MEGF8: variants seen among roughly 807,000 people sequenced by gnomAD.
MEGF8 encodes multiple EGF like domains 8, also known as multiple epidermal growth factor-like domains protein 8.
In MEGF8, 156 loss-of-function variants were observed where a neutral mutation model predicts 302.9. The ratio of observed to expected loss-of-function variants is 0.52; its 90% CI spans 0.45 to 0.59. The LOEUF (loss-of-function observed/expected upper bound fraction) is 0.59. Among genes scored for constraint, MEGF8 ranks in the 20% least tolerant of loss-of-function variants. The pLI, the probability that MEGF8 is intolerant of heterozygous loss-of-function variation, is 0.00. For synonymous variants in MEGF8, 1,621 were observed against 1,660.5 expected, an observed-to-expected ratio of 0.98 and a Z score of 0.58; for missense variants, 3,345 against 3,964.5, an observed-to-expected ratio of 0.84 and a Z score of 4.20.
At chr19:42,337,774 G>A (rs1289194449) in intron 8 of MEGF8, among the ~76,000 whole-genome samples, 14 of 151,504 alleles carry the variant, frequency 9.2e-5, no homozygotes, top group Non-Finnish European at 2.9e-5. Flanking sequence ...CCAAAGTGCT[G>A]GGATTACAGG....
chr19:42,352,259 G>C lies in MEGF8; in HGVS notation c.3153G>C (p.Leu1051=). The C allele has an allele frequency of 6.4e-7, 1 of 1,561,984 alleles. No homozygotes were observed. The change falls in exon 19 of 42, where the codon CTG becomes CTC. Residue 1051 remains leucine (L), a synonymous_variant. Transcript: ENST00000251268. This position sits in a 1 kb window ranked among gnomAD's most constrained non-coding sequence, Gnocchi z 4.4. The part of the protein sequence containing the change: ...SGPLGGGNCS[L]WVGEGLGLPV... ...CCCTCGGTGGGGGTAACTGCTCCCT[G>C]TGGGTGGGGGAGGGCCTGGGGCTTC... is the stretch of plus-strand genomic sequence containing the variant.
rs989766997 is a variant in MEGF8 at position 42,353,034 on chromosome 19, G to A, written c.3457G>A (p.Gly1153Ser). The A allele has an allele frequency of 1.3e-5, 21 of 1,555,870 alleles. No homozygotes were observed. The highest frequency in any genetic ancestry group is 2.7e-5 in the African/African-American group (2 of 73,168). The part of the protein sequence containing the change: ...SDLPPPTPAP[G>S]PPAPRCSRDC... ...CCTGCCCCCTCCCACACCCGCCCCG[G>A]GTCCGCCAGCCCCCCGCTGCTCCCG... The change falls in exon 20 of 42, where the codon GGT becomes AGT. Residue 1153 changes from glycine (G) to serine (S), a missense_variant. Transcript: ENST00000251268. This position sits in a 1 kb window ranked among gnomAD's most constrained non-coding sequence, Gnocchi z 6.1.
intron 9 of MEGF8, 41 bp from the exon 10 acceptor site, chr19:42,343,913 C>CGTCCCCTTGCCTCCCCCTCT (rs750075057): frequency 4.4e-6 from 7 of 1,599,434 alleles, no homozygotes; most frequent in African/African-American, 2.7e-5. Context: ...CCTCCTCCTC[C>CGTCCCCTTGCCTCCCCCTCT]GTCCCCTTGC....
Position 42,352,898 on chromosome 19 carries a change from G to T in MEGF8, c.3351-30G>T, listed in dbSNP as rs763755387. 5.2e-6 allele frequency: 8 copies of T among 1,529,032 alleles called. No homozygotes were observed. Among genetic ancestry groups the T allele is most frequent in the East Asian group, 2.4e-5 (1 of 41,674 alleles). The allele number at this position is 1,529,032 out of a possible 1,614,324, so 94.7% of individuals were successfully genotyped here. On this transcript the variant is annotated intron_variant, in intron 19 of 41. Coordinates refer to ENST00000251268, the MANE Select transcript of MEGF8 (RefSeq NM_001271938.2). This position sits in a 1 kb window ranked among gnomAD's most constrained non-coding sequence, Gnocchi z 4.4. ...TTTAGGGGCTCTGGGCCTGCCTGGCGCTTTCCCCACCCCCAACACGGCCCC... is the reference window on the plus strand; with the variant it reads ...TTTAGGGGCTCTGGGCCTGCCTGGCTCTTTCCCCACCCCCAACACGGCCCC...
At position 42,353,049 on chromosome 19, in the gene MEGF8, C is replaced by A. The variant is rs977777127; in HGVS notation, c.3472C>A (p.Arg1158Ser). Reference protein sequence around the residue: ...PTPAPGPPAPRCSRDCGCSFH... With the variant: ...PTPAPGPPAPSCSRDCGCSFH... The stretch of plus-strand genomic sequence containing the variant: ...ACCCGCCCCGGGTCCGCCAGCCCCC[C>A]GCTGCTCCCGGGACTGTGGCTGCAG... Residue 1158 changes from arginine to serine, a missense_variant, in exon 20 of 42, where the codon CGC (arginine) becomes AGC (serine). Arg to Ser is a moderately radical substitution (Grantham distance 110). Transcript: ENST00000251268. The surrounding 1 kb of genome is among the most constrained non-coding windows in gnomAD (Gnocchi z 6.1). 6 of 1,552,364 alleles carry A rather than the reference C, an allele frequency of 3.9e-6. No homozygotes were observed. Among genetic ancestry groups the A allele is most frequent in the Non-Finnish European group, 5.2e-6 (6 of 1,148,280 alleles).
Position 42,375,867 on chromosome 19 carries a change from C to T in MEGF8, c.7630C>T (p.Arg2544Trp), listed in dbSNP as rs565321934. The T allele has an allele frequency of 1.3e-5, 21 of 1,606,900 alleles. No individual in the cohort carries two copies. The highest frequency in any genetic ancestry group is 1.7e-4 in the Middle Eastern group (1 of 6,018). Residue 2544 changes from arginine to tryptophan, a missense_variant, in exon 42 of 42, where the codon CGG becomes TGG. Transcript: ENST00000251268. This position sits in a 1 kb window ranked among gnomAD's most constrained non-coding sequence, Gnocchi z 7.1. Reference sequence around the variant, plus strand: ...ACCACCCCCTGCAGATGGTGGGCCCCGGGGGGCTGGGGATCCAGGAGGAGC... The same window carrying T: ...ACCACCCCCTGCAGATGGTGGGCCCTGGGGGGCTGGGGATCCAGGAGGAGC... ...PPPPPADGGPRGAGDPGGAGA... is the reference protein window; with the variant it reads ...PPPPPADGGPWGAGDPGGAGA...
chr19:42,326,446 T>A lies in MEGF8; in HGVS notation c.187+16T>A. 2 of 1,518,268 alleles carry A rather than the reference T, an allele frequency of 1.3e-6. No homozygotes were observed. The highest frequency in any genetic ancestry group is 1.8e-6 in the Non-Finnish European group (2 of 1,139,792). 94.0% of individuals were successfully genotyped at this position (1,518,268 alleles called of 1,614,324 possible). A position where few individuals can be genotyped will look rare whatever the true frequency, so the allele number is the denominator to read the frequency against. On this transcript the variant is annotated intron_variant, in intron 1 of 41. Coordinates refer to ENST00000251268, the MANE Select transcript of MEGF8 (RefSeq NM_001271938.2). ...CTCATCGAGGGTGAGTGGGGCCGCG[T>A]GGGTCACTCACTAATTCGCTGGTAG...
Position 42,356,282 on chromosome 19 carries a change from T to C in MEGF8, c.4504-53T>C, listed in dbSNP as rs2039451398. On this transcript the variant is annotated intron_variant, in intron 25 of 41. Coordinates refer to ENST00000251268, the MANE Select transcript of MEGF8 (RefSeq NM_001271938.2). The surrounding 1 kb of genome is among the most constrained non-coding windows in gnomAD (Gnocchi z 5.2). ...CTGGGACCACCCCTACACCCAGGCC[T>C]GGCACTTTGTCCTGACCCTAGCCTG... The C allele has an allele frequency of 6.4e-7, 1 of 1,569,534 alleles. No individual in the cohort carries two copies. Among genetic ancestry groups the C allele is most frequent in the Non-Finnish European group, 8.6e-7 (1 of 1,157,970 alleles).
Position 42,356,511 on chromosome 19 carries a change from C to A in MEGF8, c.4622+58C>A. The A allele has an allele frequency of 7.4e-7, 1 of 1,344,294 alleles. No individual in the cohort carries two copies. Among genetic ancestry groups the A allele is most frequent in the Non-Finnish European group, 1.0e-6 (1 of 988,626 alleles). The allele number at this position is 1,344,294 out of a possible 1,614,324, so 83.3% of individuals were successfully genotyped here. On this transcript the variant is annotated intron_variant, in intron 26 of 41. Coordinates refer to ENST00000251268, the MANE Select transcript of MEGF8 (RefSeq NM_001271938.2). The surrounding 1 kb of genome is among the most constrained non-coding windows in gnomAD (Gnocchi z 5.2). ...AATAAGAGAAGGTCACCTCGGGATG[C>A]TAAGAGTCACCTCAGAGGAGTGCAG...
chr19:42,336,309 C>A lies in MEGF8; in HGVS notation c.1207C>A (p.Leu403Met). ...SMVFHAPSRA[L>M]LVHGGHRPST... ...GGTGTTCCATGCCCCCTCCCGTGCCCTGCTGGTCCATGGTGGACACCGGCC... is the reference window on the plus strand; with the variant it reads ...GGTGTTCCATGCCCCCTCCCGTGCCATGCTGGTCCATGGTGGACACCGGCC... The change falls in exon 6 of 42, where the codon CTG becomes ATG. Residue 403 changes from leucine (L) to methionine (M), a missense_variant. Coordinates refer to ENST00000251268, the MANE Select transcript of MEGF8 (RefSeq NM_001271938.2). The surrounding 1 kb of genome is among the most constrained non-coding windows in gnomAD (Gnocchi z 4.8). 6.2e-7 allele frequency: 1 copy of A among 1,606,556 alleles called. No homozygotes were observed.
intron 41 of MEGF8, among the ~76,000 whole-genome samples, chr19:42,373,019 C>T (rs1198735435): frequency 1.3e-5 from 2 of 151,646 alleles, no homozygotes; most frequent in Non-Finnish European, 2.9e-5. Flanking sequence ...TGGCTTTTAC[C>T]AGGGAGTCTC....
chr19:42,361,215 G>A (rs1225461589), intron 32 of MEGF8, among the ~76,000 whole-genome samples: 1 of 152,190 alleles, frequency 6.6e-6, no homozygotes, highest in East Asian at 1.9e-4. Context: ...TGGAGGAGCT[G>A]GGTCTGAACT....
At position 42,352,030 on chromosome 19, in the gene MEGF8, T is replaced by C. The variant is rs2039382050; in HGVS notation, c.3102-178T>C. Among the ~76,000 whole-genome samples, 1 of 152,232 alleles carries C rather than the reference T, an allele frequency of 6.6e-6. No individual in the cohort carries two copies. The highest frequency in any genetic ancestry group is 1.5e-5 in the Non-Finnish European group (1 of 68,038). On this transcript the variant is annotated intron_variant, in intron 18 of 41. Coordinates refer to ENST00000251268, the MANE Select transcript of MEGF8 (RefSeq NM_001271938.2). The surrounding 1 kb of genome is among the most constrained non-coding windows in gnomAD (Gnocchi z 4.4). ...TTCACTGCATCTCTGTCTATGTCTC[T>C]CTTCTGTCTTCCAAAATTGTTTTTG...
rs1012383494 is a variant in MEGF8 at position 42,351,065 on chromosome 19, G to T, written c.2737-151G>T. The T allele has an allele frequency of 1.4e-6, 1 of 695,780 alleles. No individual in the cohort carries two copies. The highest frequency in any genetic ancestry group is 1.9e-5 in the South Asian group (1 of 52,352). 43.1% of individuals were successfully genotyped at this position (695,780 alleles called of 1,614,324 possible). A position where few individuals can be genotyped will look rare whatever the true frequency, so the allele number is the denominator to read the frequency against. On this transcript the variant is annotated intron_variant, in intron 15 of 41. Coordinates refer to ENST00000251268, the MANE Select transcript of MEGF8 (RefSeq NM_001271938.2). This position sits in a 1 kb window ranked among gnomAD's most constrained non-coding sequence, Gnocchi z 5.6. ...GGCCGACCCATGGGTGTCTGTGGTC[G>T]AAGGGAGGGGTCCAGAGACGCAGGC... is the stretch of plus-strand genomic sequence containing the variant.
intron 41 of MEGF8, 149 bp downstream of exon 41, chr19:42,371,631 G>A (rs1278879323): frequency 3.5e-6 from 4 of 1,147,122 alleles, no homozygotes; most frequent in Non-Finnish European, 5.0e-6. Flanking sequence ...GACTGTTCCT[G>A]AGCCCCATTC....
chr19:42,374,348 G>A (rs929979873), intron 41 of MEGF8, among the ~76,000 whole-genome samples: 4 of 151,748 alleles, frequency 2.6e-5, no homozygotes, highest in Admixed American at 6.6e-5. Context: ...GCGGACACCT[G>A]TAATCCCAAC....
At position 42,344,820 on chromosome 19, in the gene MEGF8, C is replaced by T; in HGVS notation, c.2084C>T (p.Ser695Phe). The T allele has an allele frequency of 1.9e-6, 3 of 1,579,036 alleles. No individual in the cohort carries two copies. The highest frequency in any genetic ancestry group is 1.7e-6 in the Non-Finnish European group (2 of 1,160,492). Residue 695 changes from serine to phenylalanine, a missense_variant, in exon 12 of 42, where the codon TCC becomes TTC. By Grantham distance (155) the Ser-to-Phe change is radical (BLOSUM62 -2). Transcript: ENST00000251268. This position sits in a 1 kb window ranked among gnomAD's most constrained non-coding sequence, Gnocchi z 4.5. The part of the protein sequence containing the change: ...LLTFQQPPNT[S>F]QPDKVSIVRS... ...ACCTTTCAGCAGCCGCCCAATACCT[C>T]CCAGCCTGACAAGGTGGGTAGGAGG...
chr19:42,359,136 G>A lies in MEGF8; in HGVS notation c.5382G>A (p.Gly1794=), dbSNP rs905021679. The A allele has an allele frequency of 1.0e-5, 16 of 1,586,290 alleles. No individual in the cohort carries two copies. In the Admixed American group the frequency reaches 2.1e-4, roughly 21 times the overall value. Residue 1794 remains glycine (G), a synonymous_variant, in exon 31 of 42, where the codon GGG becomes GGA. Transcript: ENST00000251268. ...PRLFHASALL[G]DTMVVLGGRS... The stretch of plus-strand genomic sequence containing the variant: ...TTTTCCACGCCTCAGCCCTGTTAGG[G>A]GACACCATGGTGGTTCTTGGGGGGC...
intron 35 of MEGF8, among the ~76,000 whole-genome samples, chr19:42,365,847 G>T (rs920591250): frequency 6.6e-6 from 1 of 151,414 alleles, no homozygotes; most frequent in Non-Finnish European, 1.5e-5. Context: ...ACTTTGGGAG[G>T]CTGAGGTGGG....
Sources: gnomAD v4.1 joint callset for allele counts (sites outside exome capture counted in the v4.1 genomes callset) on GRCh38, gnomAD v4.1.1 for gene constraint, Gnocchi (gnomAD v3.1) non-coding constraint, MANE v1.5 for transcripts, NCBI Gene and HGNC (gene_info 2026-07-23, HGNC 2026-07-21) for gene names.